SYT14: variants seen among roughly 807,000 people sequenced by gnomAD.
The protein encoded by SYT14 is synaptotagmin 14, also known as synaptotagmin-14.
Under a neutral mutation model 74.2 loss-of-function variants are expected in SYT14, and 32 were observed. The observed-to-expected ratio is 0.43, with a 90% CI of 0.33 to 0.58. The LOEUF (loss-of-function observed/expected upper bound fraction) is 0.58, where lower values mean the gene tolerates loss of function less well. Ranked by LOEUF, SYT14 falls within the 20% of genes least tolerant of loss-of-function variation. The pLI is 0.05. For synonymous variants in SYT14, 298 were observed against 337.7 expected (o/e 0.88, Z 1.29); for missense variants, 791 against 981.8 (o/e 0.81, Z 2.60).
intron 5 of SYT14, among the ~76,000 whole-genome samples, chr1:210,024,668 TA>T (rs2080372089): frequency 6.6e-6 from 1 of 152,188 alleles, no homozygotes; most frequent in South Asian, 2.1e-4. Context: ...TTTCAGATCG[TA>T]TATGCTTAGA....
intron 7 of SYT14, among the ~76,000 whole-genome samples, chr1:210,101,739 T>G (rs1209319166): frequency 6.6e-6 from 1 of 152,274 alleles, no homozygotes; most frequent in South Asian, 2.1e-4. Context: ...CTACAGTTAT[T>G]AATATGATTT....
intron 5 of SYT14, among the ~76,000 whole-genome samples, chr1:210,065,349 A>G (rs1360480577): frequency 2.0e-5 from 3 of 151,954 alleles, no homozygotes; most frequent in Admixed American, 6.6e-5. Context: ...ATGAGTTCTC[A>G]TGAGATCTGA....
At chr1:210,015,701 A>G (rs986189273) in exon 4 of SYT14, 7 of 225,998 alleles carry the variant, frequency 3.1e-5, no homozygotes, top group Admixed American at 5.9e-5. Context: ...ATAAAAAACC[A>G]ATAGTATTTG....
At chr1:209,938,224 G>A in exon 1 of SYT14, 1 of 1,521,560 alleles carries the variant, frequency 6.6e-7, no homozygotes, top group Non-Finnish European at 8.8e-7. Context: ...CGCGTCTGCT[G>A]CCCCCGCCAT....
intron 5 of SYT14, among the ~76,000 whole-genome samples, chr1:210,059,117 G>A (rs890246221): frequency 6.6e-6 from 1 of 151,902 alleles, no homozygotes; most frequent in Non-Finnish European, 1.5e-5. Context: ...GTTAGACCTG[G>A]GAATGGAGTT....
chr1:210,079,672 GA>G (rs200658005), intron 5 of SYT14, among the ~76,000 whole-genome samples: 6 of 150,688 alleles, frequency 4.0e-5, no homozygotes, highest in Admixed American at 3.3e-4. Context: ...TAGAACACTG[GA>G]AAAAAAAATG....
chr1:209,980,405 A>G (rs1000394912), intron 2 of SYT14, among the ~76,000 whole-genome samples: 2 of 152,094 alleles, frequency 1.3e-5, no homozygotes, highest in Non-Finnish European at 2.9e-5. Flanking sequence ...TTGTTTGTTC[A>G]TTCTGATGGA....
chr1:210,133,403 G>A (rs574730211), intron 7 of SYT14, among the ~76,000 whole-genome samples: 11 of 152,294 alleles, frequency 7.2e-5, no homozygotes, highest in Non-Finnish European at 1.6e-4. Context: ...TTCTTATGCT[G>A]CTCTTCATAT....
In SYT14 at chr1:210,017,093, GA is replaced by G; in HGVS notation, c.1095del (p.Asp366IlefsTer70). 3 of 1,231,550 alleles carry G rather than the reference GA, an allele frequency of 2.4e-6. No homozygotes were observed. Among genetic ancestry groups the G allele is most frequent in the Non-Finnish European group, 3.0e-6 (3 of 987,600 alleles). 76.3% of individuals were successfully genotyped at this position (1,231,550 alleles called of 1,614,324 possible). ...TGAAAAATATTCTAAGATAATACCA[GA>G]AAAAGGTGAGGTCTCCTAATGTTGG... On this transcript the variant is annotated frameshift_variant, in exon 4 of 10. Coordinates refer to ENST00000637265, the Ensembl canonical transcript of SYT14. LOFTEE classifies it high-confidence loss of function.
At chr1:210,121,892 G>A (rs1397220531) in intron 7 of SYT14, among the ~76,000 whole-genome samples, 1 of 151,822 alleles carries the variant, frequency 6.6e-6, no homozygotes, top group Non-Finnish European at 1.5e-5. Context: ...TTATTTTCAG[G>A]CATGCGTAGT....
intron 5 of SYT14, among the ~76,000 whole-genome samples, chr1:210,038,614 A>G (rs1240581508): frequency 6.6e-6 from 1 of 152,062 alleles, no homozygotes; most frequent in Non-Finnish European, 1.5e-5. Context: ...GGACTGGTTT[A>G]GTGGTGATGA....
At chr1:210,054,019 T>C (rs2081049680) in intron 5 of SYT14, among the ~76,000 whole-genome samples, 1 of 152,202 alleles carries the variant, frequency 6.6e-6, no homozygotes, top group Non-Finnish European at 1.5e-5. Flanking sequence ...CATTTTCCTA[T>C]AGAATTTTGA....
intron 5 of SYT14, among the ~76,000 whole-genome samples, chr1:210,078,430 C>A (rs1468056337): frequency 3.3e-5 from 5 of 150,314 alleles, no homozygotes; most frequent in African/African-American, 1.2e-4. Context: ...TTTAGTAGGT[C>A]TTGACAAACA....
intron 5 of SYT14, among the ~76,000 whole-genome samples, chr1:210,081,795 T>G (rs1322622812): frequency 1.3e-5 from 2 of 152,174 alleles, no homozygotes; most frequent in Admixed American, 6.5e-5. Context: ...CAAAACAGAA[T>G]AAACAATATC....
chr1:210,051,625 G>GA (rs1442306808), intron 5 of SYT14, among the ~76,000 whole-genome samples: 3 of 152,012 alleles, frequency 2.0e-5, no homozygotes, highest in Non-Finnish European at 4.4e-5. Flanking sequence ...CCTTCACATA[G>GA]AATACTACAT....
At chr1:210,111,947 T>G (rs1349743777) in intron 7 of SYT14, among the ~76,000 whole-genome samples, 1 of 151,190 alleles carries the variant, frequency 6.6e-6, no homozygotes, top group Non-Finnish European at 1.5e-5. Context: ...CCATTTTATC[T>G]TTCCTGAAGG....
At chr1:209,961,371 A>T (rs1357704124) in intron 2 of SYT14, among the ~76,000 whole-genome samples, 2 of 152,176 alleles carry the variant, frequency 1.3e-5, no homozygotes, top group Admixed American at 6.5e-5. Flanking sequence ...TCCAGAGTAG[A>T]AGAACAATAA....
intron 2 of SYT14, among the ~76,000 whole-genome samples, chr1:209,999,621 G>T (rs1032740679): frequency 6.6e-6 from 1 of 152,058 alleles, no homozygotes; most frequent in East Asian, 1.9e-4. Flanking sequence ...AGAACTAGAG[G>T]TCATTATGGT....
At chr1:210,108,669 A>C (rs2082203354) in intron 7 of SYT14, among the ~76,000 whole-genome samples, 1 of 152,146 alleles carries the variant, frequency 6.6e-6, no homozygotes, top group African/African-American at 2.4e-5. Context: ...GCCATTAATC[A>C]ATGTGTTTGG....
Sources: gnomAD v4.1 joint callset for allele counts (sites outside exome capture counted in the v4.1 genomes callset) on GRCh38, gnomAD v4.1.1 for gene constraint, MANE v1.5 for transcripts, NCBI Gene and HGNC (gene_info 2026-07-23, HGNC 2026-07-21) for gene names.